Variants in DMD observed in about 807,000 individuals in gnomAD.
The protein encoded by DMD is mutant dystrophin.
DMD carries 63 observed loss-of-function variants against 330.1 expected under a neutral mutation model. The ratio of observed to expected loss-of-function variants is 0.19; its 90% CI spans 0.16 to 0.24. The LOEUF is 0.24. DMD is among the 10% of genes least tolerant of loss of function. The pLI, the probability that DMD is intolerant of heterozygous loss-of-function variation, is 1.00. For missense variants in DMD, 3,344 were observed against 2,684.1 expected, an observed-to-expected ratio of 1.25 and a Z score of -5.43; for synonymous variants, 1,223 against 959.8, an observed-to-expected ratio of 1.27 and a Z score of -5.07.
At chrX:32,687,988 T>G (rs1180970326) in intron 9 of DMD, among the ~76,000 whole-genome samples, 1 of 111,635 alleles carries the variant, frequency 9.0e-6, no homozygotes, top group Non-Finnish European at 1.9e-5. Flanking sequence ...AATAAAAAAG[T>G]ATTAAAATAA....
At chrX:32,482,060 C>G (rs1198917214) in intron 21 of DMD, among the ~76,000 whole-genome samples, 1 of 111,637 alleles carries the variant, frequency 9.0e-6, no homozygotes, top group Non-Finnish European at 1.9e-5. Context: ...TAAACCAAAC[C>G]AATAAAATCC....
In DMD at chrX:31,679,392, T is replaced by C; in HGVS notation, c.7855A>G (p.Lys2619Glu). ...GPYTVDAIQK[K>E]ITETKQLAKD... Reference sequence around the variant, plus strand: ...ATACTAACCTTGGTTTCTGTGATTTTCTTTTGGATTGCATCTACTGTATAG... The same window carrying C: ...ATACTAACCTTGGTTTCTGTGATTTCCTTTTGGATTGCATCTACTGTATAG... The change falls in exon 53 of 79, where the codon AAA (lysine) becomes GAA (glutamate). Residue 2619 changes from lysine to glutamate, a missense_variant. Lys to Glu is a moderately conservative substitution (Grantham distance 56). Transcript: ENST00000357033. The C allele has an allele frequency of 2.5e-6, 3 of 1,208,667 alleles. No individual in the cohort carries two copies. The East Asian group carries it at 8.9e-5, about 36-fold the overall frequency.
In DMD at chrX:32,047,099, A is replaced by T. The variant is rs150526915; in HGVS notation, c.6439-78585T>A. On this transcript the variant is annotated intron_variant, in intron 44 of 78. Transcript: ENST00000357033. ...CACAATCTTTATTAATACTCTCTTG[A>T]AATTGACACTTTTTAGGCTTCATAT... Among the ~76,000 whole-genome samples the T allele has an allele frequency of 5.4e-5, 6 of 111,653 alleles. No homozygotes were observed. In the East Asian group the frequency reaches 1.7e-3, roughly 31 times the overall value.
intron 1 of DMD, among the ~76,000 whole-genome samples, chrX:33,026,606 A>G (rs993791897): frequency 3.6e-5 from 4 of 111,030 alleles, no homozygotes; most frequent in Admixed American, 1.9e-4. Context: ...GGAAAATGGT[A>G]TGAAAAATGC....
intron 37 of DMD, among the ~76,000 whole-genome samples, chrX:32,357,805 C>A (rs1398145044): frequency 9.0e-6 from 1 of 110,906 alleles, no homozygotes; most frequent in East Asian, 2.8e-4. Flanking sequence ...TCAGCCTTAT[C>A]ATCCACAACT....
intron 19 of DMD, among the ~76,000 whole-genome samples, chrX:32,501,522 A>T (rs966430532): frequency 8.9e-6 from 1 of 111,883 alleles, no homozygotes; most frequent in African/African-American, 3.2e-5. Context: ...TTTCTCTGCT[A>T]CAGACTGATA....
intron 7 of DMD, among the ~76,000 whole-genome samples, chrX:32,733,380 C>CAG (rs1289626874): frequency 1.8e-5 from 2 of 109,409 alleles, no homozygotes; most frequent in Non-Finnish European, 3.8e-5. Flanking sequence ...CAAGGATACC[C>CAG]AGGAATTGAA....
chrX:32,835,432 A>T (rs946918419), intron 4 of DMD, among the ~76,000 whole-genome samples: 1 of 112,808 alleles, frequency 8.9e-6, no homozygotes, highest in Admixed American at 9.4e-5. Flanking sequence ...CGCTTTTTAA[A>T]ATCACAACCA....
intron 61 of DMD, among the ~76,000 whole-genome samples, chrX:31,326,987 T>G (rs1404140517): frequency 1.8e-5 from 2 of 112,352 alleles, no homozygotes; most frequent in Admixed American, 1.9e-4. Context: ...TTATGCCTGA[T>G]GTGTCCATTT....
chrX:32,079,411 A>G (rs1391157552), intron 44 of DMD, among the ~76,000 whole-genome samples: 1 of 110,924 alleles, frequency 9.0e-6, no homozygotes, highest in African/African-American at 3.3e-5. Flanking sequence ...CCTGGGCAAC[A>G]TGGTCAAACC....
intron 50 of DMD, among the ~76,000 whole-genome samples, chrX:31,798,221 GT>G (rs2149338553): frequency 9.0e-6 from 1 of 111,303 alleles, no homozygotes; most frequent in African/African-American, 3.3e-5. Context: ...TGTTCTAGAA[GT>G]TTTGTCTTTT....
chrX:31,131,000 T>G (rs1480861248), intron 77 of DMD, among the ~76,000 whole-genome samples: 1 of 111,979 alleles, frequency 8.9e-6, no homozygotes, highest in Non-Finnish European at 1.9e-5. Flanking sequence ...ATGTCAGACC[T>G]CTGGCTCTCA....
At chrX:32,450,178 G>T (rs1382174936) in intron 26 of DMD, among the ~76,000 whole-genome samples, 1 of 110,801 alleles carries the variant, frequency 9.0e-6, no homozygotes, top group African/African-American at 3.3e-5. Context: ...CTATAATGTA[G>T]AAGTTGGGCC....
intron 44 of DMD, among the ~76,000 whole-genome samples, chrX:32,091,087 G>A (rs1033013148): frequency 2.7e-5 from 3 of 112,121 alleles, no homozygotes; most frequent in Non-Finnish European, 5.6e-5. Context: ...CACTTGCGGC[G>A]TAGCAGCAGC....
intron 48 of DMD, among the ~76,000 whole-genome samples, chrX:31,842,878 C>G (rs2093344795): frequency 9.0e-6 from 1 of 111,258 alleles, no homozygotes; most frequent in African/African-American, 3.3e-5. Context: ...CCTTCCTTAT[C>G]TCTTCCCCTA....
intron 50 of DMD, among the ~76,000 whole-genome samples, chrX:31,813,701 T>G (rs973801046): frequency 3.6e-5 from 4 of 112,066 alleles, no homozygotes; most frequent in Non-Finnish European, 1.9e-5. Flanking sequence ...ATTGGTTAAG[T>G]GCTATTCCAG....
intron 1 of DMD, among the ~76,000 whole-genome samples, chrX:33,124,425 G>A (rs1298954982): frequency 3.6e-5 from 3 of 84,286 alleles, no homozygotes; most frequent in African/African-American, 9.1e-5. Flanking sequence ...GCAGTGAGCC[G>A]AGATCGTGCC....
chrX:32,823,457 A>T (rs1262597131), intron 4 of DMD, 70 bp from the exon 5 acceptor site: 1 of 732,693 alleles, frequency 1.4e-6, no homozygotes, highest in Admixed American at 2.3e-5. Flanking sequence ...TAATAATAAT[A>T]AAAACGTGAA....
chrX:32,013,030 T>C (rs911810162), intron 44 of DMD, among the ~76,000 whole-genome samples: 2 of 109,585 alleles, frequency 1.8e-5, no homozygotes, highest in African/African-American at 6.7e-5. Flanking sequence ...TGTTGAAATA[T>C]TTTTTTCTCC....
Sources: gnomAD v4.1 joint callset for allele counts (sites outside exome capture counted in the v4.1 genomes callset) on GRCh38, gnomAD v4.1.1 for gene constraint, MANE v1.5 for transcripts, NCBI Gene and HGNC (gene_info 2026-07-23, HGNC 2026-07-21) for gene names.